NR5A2: variants seen among roughly 807,000 people sequenced by gnomAD.
NR5A2 encodes CYP7A promoter-binding factor.
A neutral mutation model predicts 62.7 loss-of-function variants in NR5A2; 26 were observed. The ratio of observed to expected loss-of-function variants is 0.41; its 90% CI spans 0.30 to 0.58. NR5A2 has a LOEUF of 0.58. Among genes scored for constraint, NR5A2 ranks in the 20% least tolerant of loss-of-function variants. NR5A2 has a pLI of 0.22. For synonymous variants in NR5A2, 246 were observed against 241.7 expected (o/e 1.02, Z -0.16); for missense variants, 541 against 669.1 (o/e 0.81, Z 2.11).
chr1:200,113,756 A>AT (rs1666072854), intron 6 of NR5A2, among the ~76,000 whole-genome samples: 1 of 152,228 alleles, frequency 6.6e-6, no homozygotes, highest in Admixed American at 6.5e-5. Flanking sequence ...GGAAAATTAG[A>AT]TTTTTGCTAC....
chr1:200,064,390 A>C (rs1183946322), intron 5 of NR5A2, among the ~76,000 whole-genome samples: 1 of 152,208 alleles, frequency 6.6e-6, no homozygotes, highest in Admixed American at 6.5e-5. Context: ...TCCCATAGAC[A>C]ACAAGGTGAG....
intron 7 of NR5A2, among the ~76,000 whole-genome samples, chr1:200,131,133 G>A (rs961969129): frequency 2.6e-5 from 4 of 152,128 alleles, no homozygotes; most frequent in African/African-American, 9.7e-5. Context: ...TTCAAGAGAT[G>A]CCACTGTTCA....
chr1:200,064,491 A>G (rs1250343637), intron 5 of NR5A2, among the ~76,000 whole-genome samples: 1 of 152,214 alleles, frequency 6.6e-6, no homozygotes, highest in Admixed American at 6.5e-5. Flanking sequence ...GGAAACTTCA[A>G]GTAATTCCTA....
intron 5 of NR5A2, among the ~76,000 whole-genome samples, chr1:200,064,933 A>G (rs1290950988): frequency 6.6e-6 from 1 of 151,920 alleles, no homozygotes; most frequent in East Asian, 1.9e-4. Flanking sequence ...AAGAAATGTA[A>G]TGTTTTAAAA....
At chr1:200,082,751 A>T (rs1664352879) in intron 5 of NR5A2, among the ~76,000 whole-genome samples, 1 of 152,190 alleles carries the variant, frequency 6.6e-6, no homozygotes, top group African/African-American at 2.4e-5. Flanking sequence ...GATCTGAATA[A>T]TTGATTAGTC....
chr1:200,123,748 TAA>T (rs375684439), intron 7 of NR5A2, among the ~76,000 whole-genome samples: 2,139 of 55,314 alleles, frequency 0.039, 39 homozygotes, highest in African/African-American at 0.08. Context: ...TTTACTTATT[TAA>T]TTTTTTTTTT....
At chr1:200,098,376 A>T (rs1239096435) in intron 5 of NR5A2, among the ~76,000 whole-genome samples, 1 of 151,146 alleles carries the variant, frequency 6.6e-6, no homozygotes, top group Non-Finnish European at 1.5e-5. Context: ...CATTTCCCAA[A>T]TCACAAATTT....
intron 5 of NR5A2, among the ~76,000 whole-genome samples, chr1:200,099,099 G>A (rs1172076527): frequency 6.6e-6 from 1 of 152,130 alleles, no homozygotes; most frequent in Non-Finnish European, 1.5e-5. Flanking sequence ...TGTGTGAAGG[G>A]ACAAGTCCTC....
At chr1:200,173,750 T>C (rs1034194460) in intron 7 of NR5A2, among the ~76,000 whole-genome samples, 1 of 152,222 alleles carries the variant, frequency 6.6e-6, no homozygotes, top group African/African-American at 2.4e-5. Context: ...ATTTGAGGTA[T>C]ATGCAGAATT....
chr1:200,064,534 G>A (rs1663382048), intron 5 of NR5A2, among the ~76,000 whole-genome samples: 1 of 152,188 alleles, frequency 6.6e-6, no homozygotes, highest in South Asian at 2.1e-4. Flanking sequence ...GAAGGGGCAA[G>A]GGGTAAAGCT....
intron 5 of NR5A2, among the ~76,000 whole-genome samples, chr1:200,082,060 T>C (rs1050286074): frequency 1.3e-5 from 2 of 152,172 alleles, no homozygotes; most frequent in African/African-American, 4.8e-5. Flanking sequence ...GGTTTGAATC[T>C]ATTTAAGAAC....
At chr1:200,137,719 T>C (rs1303313027) in intron 7 of NR5A2, among the ~76,000 whole-genome samples, 2 of 152,218 alleles carry the variant, frequency 1.3e-5, no homozygotes, top group East Asian at 3.8e-4. Context: ...AAAAGTGTCA[T>C]ATGAATTTCT....
chr1:200,156,540 G>A (rs1653394676), intron 7 of NR5A2, among the ~76,000 whole-genome samples: 1 of 152,058 alleles, frequency 6.6e-6, no homozygotes, highest in Admixed American at 6.5e-5. Context: ...TGGGATTACA[G>A]GTGCCCCCCC....
Position 200,175,475 on chromosome 1 carries a change from C to CTTCAAATGACTATTATCAGTATTAT in NR5A2, c.*1267_*1291dup, listed in dbSNP as rs1156378558. ...ATGGGAGGACAAAGAATCGCAAATT[C>CTTCAAATGACTATTATCAGTATTAT]TTCAAATGACTATTATCAGTATTAT... is the stretch of plus-strand genomic sequence containing the variant. On this transcript the variant is annotated 3_prime_UTR_variant, in exon 8 of 8. Transcript: ENST00000367362. 1.3e-5 allele frequency: 2 copies of CTTCAAATGACTATTATCAGTATTAT among 152,656 alleles called. No individual in the cohort carries two copies. The highest frequency in any genetic ancestry group is 2.9e-5 in the Non-Finnish European group (2 of 68,036). 9.5% of individuals were successfully genotyped at this position (152,656 alleles called of 1,614,324 possible).
At position 200,039,887 on chromosome 1, in the gene NR5A2, C is replaced by G; in HGVS notation, c.202+92C>G. 5.6e-6 allele frequency: 8 copies of G among 1,417,772 alleles called. No homozygotes were observed. Among genetic ancestry groups the G allele is most frequent in the Non-Finnish European group, 7.4e-6 (8 of 1,082,338 alleles). 87.8% of individuals were successfully genotyped at this position (1,417,772 alleles called of 1,614,324 possible). On this transcript the variant is annotated intron_variant, in intron 2 of 7. Transcript: ENST00000367362. The surrounding 1 kb of genome is among the most constrained non-coding windows in gnomAD (Gnocchi z 5.1). Reference sequence around the variant, plus strand: ...TTCAGCCTCCCGCCCCGCGCGGGCGCGGGAGTAGCCCCGCTGGGCGCTCGC... The same window carrying G: ...TTCAGCCTCCCGCCCCGCGCGGGCGGGGGAGTAGCCCCGCTGGGCGCTCGC...
At chr1:200,136,125 G>A (rs73082673) in intron 7 of NR5A2, among the ~76,000 whole-genome samples, 3,290 of 152,214 alleles carry the variant, frequency 0.022, 112 homozygotes, top group African/African-American at 0.069. Flanking sequence ...CCTCTTCCTA[G>A]GTTGGTGCAG....
chr1:200,104,063 G>C (rs1483385144), intron 5 of NR5A2, among the ~76,000 whole-genome samples: 9 of 152,144 alleles, frequency 5.9e-5, no homozygotes, highest in African/African-American at 2.2e-4. Flanking sequence ...CCTTTGTGCT[G>C]CATTGGAGAA....
chr1:200,120,502 G>A (rs985945154), intron 6 of NR5A2, among the ~76,000 whole-genome samples: 1 of 152,198 alleles, frequency 6.6e-6, no homozygotes, highest in Non-Finnish European at 1.5e-5. Flanking sequence ...TAATTCTGAT[G>A]CATTTTAGAA....
intron 7 of NR5A2, among the ~76,000 whole-genome samples, chr1:200,168,172 T>C (rs1015382848): frequency 6.6e-6 from 1 of 152,120 alleles, no homozygotes; most frequent in African/African-American, 2.4e-5. Context: ...GGGCCTGTTA[T>C]TTCTGTGTAC....
Sources: allele counts gnomAD v4.1 joint callset (sites outside exome capture counted in the v4.1 genomes callset), GRCh38; gene constraint gnomAD v4.1.1; non-coding constraint Gnocchi (gnomAD v3.1); transcripts MANE v1.5; gene names NCBI Gene and HGNC (gene_info 2026-07-23, HGNC 2026-07-21).